The following IL6R variants were observed in gnomAD, a reference collection of about 807,000 sequenced individuals.
IL6R encodes interleukin 6 receptor, also known as interleukin-6 receptor subunit alpha.
In IL6R, 38 loss-of-function variants were observed where a neutral mutation model predicts 48.3. That is an observed-to-expected ratio of 0.79 (90% CI 0.61 to 1.03). The LOEUF is 1.03. Among genes scored for constraint, IL6R ranks in the 50% least tolerant of loss-of-function variants. The probability of loss-of-function intolerance (pLI) is 0.00; values close to 1 mark genes in which losing one functional copy is unlikely to be tolerated. For synonymous variants in IL6R, 264 were observed against 256.2 expected, an observed-to-expected ratio of 1.03 and a Z score of -0.29; for missense variants, 534 against 618.3, an observed-to-expected ratio of 0.86 and a Z score of 1.45.
In IL6R at chr1:154,429,254, G is replaced by A. The variant is rs1365223291; in HGVS notation, c.144G>A (p.Pro48=). The A allele has an allele frequency of 7.4e-6, 12 of 1,613,984 alleles. No homozygotes were observed. The highest frequency in any genetic ancestry group is 2.7e-5 in the African/African-American group (2 of 74,916). The change falls in exon 2 of 10, where the codon CCG becomes CCA. Residue 48 remains proline (P), a synonymous_variant. Transcript: ENST00000368485. The part of the protein sequence containing the change: ...LPGDSVTLTC[P]GVEPEDNATV... ...GAGACAGCGTGACTCTGACCTGCCCGGGGGTAGAGCCGGAAGACAATGCCA... is the reference window on the plus strand; with the variant it reads ...GAGACAGCGTGACTCTGACCTGCCCAGGGGTAGAGCCGGAAGACAATGCCA...
intron 3 of IL6R, among the ~76,000 whole-genome samples, chr1:154,431,220 AC>A (rs1689277072): frequency 6.6e-6 from 1 of 152,144 alleles, no homozygotes; most frequent in Non-Finnish European, 1.5e-5. Context: ...ACGTGGGAAG[AC>A]CTGGGATGGG....
intron 6 of IL6R, among the ~76,000 whole-genome samples, chr1:154,447,014 G>T (rs925483221): frequency 6.6e-6 from 1 of 152,082 alleles, no homozygotes; most frequent in Non-Finnish European, 1.5e-5. Context: ...GGTGGCACAC[G>T]CCTGTAGTCC....
chr1:154,458,900 C>CA (rs757806352), intron 9 of IL6R, among the ~76,000 whole-genome samples: 7,819 of 123,850 alleles, frequency 0.063, 707 homozygotes, highest in African/African-American at 0.21. Context: ...GACTCCATCT[C>CA]AAAAAAAAAA....
intron 6 of IL6R, among the ~76,000 whole-genome samples, chr1:154,446,428 C>T (rs1302692566): frequency 2.0e-5 from 3 of 152,192 alleles, no homozygotes; most frequent in Admixed American, 1.3e-4. Flanking sequence ...ACCCTCTCCC[C>T]GCCTCCTTGC....
intron 1 of IL6R, chr1:154,414,386 C>T (rs371404728): frequency 4.0e-5 from 56 of 1,415,518 alleles, no homozygotes; most frequent in African/African-American, 3.0e-4. Context: ...CTCCAGCTGC[C>T]GGGCATACTC....
At chr1:154,460,079 C>A (rs143811347) in intron 9 of IL6R, among the ~76,000 whole-genome samples, 7 of 152,212 alleles carry the variant, frequency 4.6e-5, no homozygotes, top group Non-Finnish European at 8.8e-5. Context: ...ACATATCTTT[C>A]TAAAAAAGAG....
In IL6R at chr1:154,447,442, A is replaced by T. The variant is rs1690290599; in HGVS notation, c.950-683A>T. Among the ~76,000 whole-genome samples, 3 of 60,228 alleles carry T rather than the reference A, an allele frequency of 5.0e-5. No homozygotes were observed. The South Asian group carries it at 1.3e-3, about 25-fold the overall frequency. The allele number at this position is 60,228 out of a possible 152,430, so 39.5% of individuals were successfully genotyped here. ...CAAAAGAGTGAAACTCCATCTCAAA[A>T]AAAAAAAAAAAAATATATATATATA... On this transcript the variant is annotated intron_variant, in intron 6 of 9. Transcript: ENST00000368485.
In IL6R at chr1:154,449,922, T is replaced by C; in HGVS notation, c.1008T>C (p.Thr336=). ...AATGTCTCTTTTAGGCACTTACTAC[T>C]AATAAAGACGATGATAATATTCTCT... ...EVSTPMQALT[T]NKDDDNILFR... The change falls in exon 8 of 10, where the codon ACT becomes ACC. Residue 336 remains threonine (T), a synonymous_variant. Transcript: ENST00000368485. 1 of 1,606,642 alleles carries C rather than the reference T, an allele frequency of 6.2e-7. No homozygotes were observed. Among genetic ancestry groups the C allele is most frequent in the East Asian group, 2.2e-5 (1 of 44,852 alleles).
At chr1:154,444,890 GA>G (rs1207874636) in intron 6 of IL6R, among the ~76,000 whole-genome samples, 2 of 152,128 alleles carry the variant, frequency 1.3e-5, no homozygotes, top group Non-Finnish European at 2.9e-5. Flanking sequence ...GCAACAGAGG[GA>G]GACCCTGTCT....
intron 1 of IL6R, 48 bp from the exon 2 acceptor site, chr1:154,429,148 C>T: frequency 6.3e-7 from 1 of 1,581,482 alleles, no homozygotes; most frequent in South Asian, 1.1e-5. Context: ...AACGAAGCCC[C>T]CTTCTTCAGT....
intron 7 of IL6R, among the ~76,000 whole-genome samples, chr1:154,448,686 C>T (rs976921497): frequency 8.5e-5 from 13 of 152,086 alleles, no homozygotes; most frequent in African/African-American, 3.1e-4. Context: ...GCTCTTGAAC[C>T]TTATCTGTGT....
Position 154,449,985 on chromosome 1 carries a change from G to A in IL6R, c.1066+5G>A, listed in dbSNP as rs1256725517. The A allele has an allele frequency of 1.8e-5, 28 of 1,578,714 alleles. No homozygotes were observed. The highest frequency in any genetic ancestry group is 2.3e-5 in the Non-Finnish European group (26 of 1,147,872). ...CAAATGCGACAAGCCTCCCAGGTAA[G>A]GACTGGGTATTTTCATATTCCCAGG... On this transcript the variant is annotated splice_donor_5th_base_variant and intron_variant, in intron 8 of 9. Coordinates refer to ENST00000368485, the MANE Select transcript of IL6R (RefSeq NM_000565.4).
At chr1:154,438,456 CTAGCCCTG>C (rs1250133076) in intron 6 of IL6R, among the ~76,000 whole-genome samples, 1 of 151,968 alleles carries the variant, frequency 6.6e-6, no homozygotes, top group South Asian at 2.1e-4. Flanking sequence ...TCAAATGTTT[CTAGCCCTG>C]TGGCGTAGTT....
intron 1 of IL6R, among the ~76,000 whole-genome samples, chr1:154,411,553 A>G (rs747989607): frequency 6.2e-4 from 95 of 152,314 alleles, no homozygotes; most frequent in Admixed American, 1.0e-3. Flanking sequence ...TGCAATCCAC[A>G]TCACTATAAA....
intron 6 of IL6R, among the ~76,000 whole-genome samples, chr1:154,445,702 T>A (rs1690184262): frequency 6.6e-6 from 1 of 150,858 alleles, no homozygotes; most frequent in Admixed American, 6.6e-5. Flanking sequence ...GTGAGCTGAG[T>A]TTGCGCCACA....
intron 1 of IL6R, among the ~76,000 whole-genome samples, chr1:154,415,394 T>C (rs1688276283): frequency 6.6e-6 from 1 of 152,218 alleles, no homozygotes; most frequent in Non-Finnish European, 1.5e-5. Context: ...AATTCATCTT[T>C]CCCCCACCAA....
chr1:154,461,187 T>A (rs781648915), intron 9 of IL6R, among the ~76,000 whole-genome samples: 1 of 152,212 alleles, frequency 6.6e-6, no homozygotes, highest in Non-Finnish European at 1.5e-5. Flanking sequence ...TACTGCTATC[T>A]ACTATGAGCT....
At chr1:154,417,498 C>T (rs781058187) in intron 1 of IL6R, among the ~76,000 whole-genome samples, 2 of 152,140 alleles carry the variant, frequency 1.3e-5, no homozygotes, top group Admixed American at 6.6e-5. Flanking sequence ...GGCCCTGCTG[C>T]GTCCTGCTTT....
chr1:154,430,447 G>T (rs755556177), intron 2 of IL6R, 36 bp from the exon 3 acceptor site: 4 of 1,608,258 alleles, frequency 2.5e-6, no homozygotes, highest in Non-Finnish European at 3.4e-6. Context: ...CAGGATCCCC[G>T]CCCGCCTGCT....
Sources: allele counts gnomAD v4.1 joint callset (sites outside exome capture counted in the v4.1 genomes callset), GRCh38; gene constraint gnomAD v4.1.1; transcripts MANE v1.5; gene names NCBI Gene and HGNC (gene_info 2026-07-23, HGNC 2026-07-21).